The following LRMDA variants were observed in gnomAD, a reference collection of about 807,000 sequenced individuals.
LRMDA encodes leucine-rich melanocyte differentiation-associated protein.
LRMDA carries 18 observed loss-of-function variants against 29.8 expected under a neutral mutation model. The ratio of observed to expected loss-of-function variants is 0.60; its 90% CI spans 0.42 to 0.90. LRMDA has a LOEUF of 0.90. Ranked by LOEUF, LRMDA falls within the 40% of genes least tolerant of loss-of-function variation. The pLI is 0.00. For missense variants in LRMDA, 273 were observed against 273.9 expected (o/e 1.00, Z 0.02); for synonymous variants, 125 against 109.4 (o/e 1.14, Z -0.89).
intron 5 of LRMDA, among the ~76,000 whole-genome samples, chr10:76,310,528 T>C (rs1175100524): frequency 6.6e-6 from 1 of 152,192 alleles, no homozygotes; most frequent in Non-Finnish European, 1.5e-5. Context: ...TCCATTCCCC[T>C]TTTCTCATTT....
chr10:76,003,675 G>A (rs1397068262), intron 2 of LRMDA, among the ~76,000 whole-genome samples: 1 of 152,148 alleles, frequency 6.6e-6, no homozygotes, highest in East Asian at 1.9e-4. Context: ...TGAGTAAATG[G>A]CAGGTAAGTC....
At chr10:76,543,672 G>C (rs1302694204) in intron 6 of LRMDA, among the ~76,000 whole-genome samples, 1 of 152,118 alleles carries the variant, frequency 6.6e-6, no homozygotes, top group East Asian at 1.9e-4. Flanking sequence ...CTGGAAGAAT[G>C]CAAGCTCTTA....
At chr10:75,749,362 G>A (rs1842925908) in intron 2 of LRMDA, among the ~76,000 whole-genome samples, 1 of 151,976 alleles carries the variant, frequency 6.6e-6, no homozygotes, top group Admixed American at 6.5e-5. Flanking sequence ...TTTTGGCTGT[G>A]GAGGGTTGGT....
chr10:75,578,167 A>C (rs1840532211), intron 2 of LRMDA, among the ~76,000 whole-genome samples: 1 of 144,814 alleles, frequency 6.9e-6, no homozygotes, highest in Non-Finnish European at 1.5e-5. Flanking sequence ...AGACACACAG[A>C]GGCTCAAAAT....
At chr10:75,758,024 T>A (rs1328309996) in intron 2 of LRMDA, among the ~76,000 whole-genome samples, 1 of 152,202 alleles carries the variant, frequency 6.6e-6, no homozygotes, top group Non-Finnish European at 1.5e-5. Context: ...GGTCTCAAAC[T>A]CCTGGCCTCA....
intron 2 of LRMDA, among the ~76,000 whole-genome samples, chr10:75,605,057 T>C (rs772977063): frequency 5.1e-4 from 77 of 152,328 alleles, no homozygotes; most frequent in Non-Finnish European, 3.2e-4. Context: ...GAGAAATTCA[T>C]TGGGACAACT....
At chr10:76,540,923 G>A (rs77952591) in intron 6 of LRMDA, among the ~76,000 whole-genome samples, 3,023 of 152,256 alleles carry the variant, frequency 0.02, 52 homozygotes, top group South Asian at 0.099. Flanking sequence ...TGTTTTAAAT[G>A]CTTGACAATA....
intron 2 of LRMDA, among the ~76,000 whole-genome samples, chr10:75,883,903 C>T (rs569032785): frequency 3.6e-4 from 54 of 151,386 alleles, no homozygotes; most frequent in Non-Finnish European, 6.9e-4. Context: ...CATTGCTTGC[C>T]AAATAAAAGA....
chr10:76,431,083 T>C (rs1262480130), intron 6 of LRMDA, among the ~76,000 whole-genome samples: 2 of 152,176 alleles, frequency 1.3e-5, no homozygotes, highest in Admixed American at 1.3e-4. Flanking sequence ...GTTCAAGGCT[T>C]TGGTTTCTGG....
chr10:75,762,880 A>G (rs548827373), intron 2 of LRMDA, among the ~76,000 whole-genome samples: 1 of 152,236 alleles, frequency 6.6e-6, no homozygotes, highest in East Asian at 1.9e-4. Context: ...CTGTTCACCC[A>G]CTTTCTACCA....
chr10:75,560,924 G>A (rs1426754520), intron 2 of LRMDA, among the ~76,000 whole-genome samples: 1 of 151,898 alleles, frequency 6.6e-6, no homozygotes, highest in African/African-American at 2.4e-5. Flanking sequence ...TGTGCTGCTG[G>A]ATTTGGTTTG....
intron 2 of LRMDA, among the ~76,000 whole-genome samples, chr10:75,579,379 T>C (rs1418170203): frequency 1.3e-5 from 2 of 152,188 alleles, no homozygotes; most frequent in African/African-American, 4.8e-5. Flanking sequence ...CAGGAAGAAG[T>C]TGAATCCCTG....
At chr10:76,222,022 G>A (rs1313847607) in intron 5 of LRMDA, among the ~76,000 whole-genome samples, 1 of 152,046 alleles carries the variant, frequency 6.6e-6, no homozygotes, top group Non-Finnish European at 1.5e-5. Flanking sequence ...ATGGAGAAAG[G>A]ATTCCCTATT....
At chr10:75,655,457 C>T (rs1841656877) in intron 2 of LRMDA, among the ~76,000 whole-genome samples, 1 of 152,218 alleles carries the variant, frequency 6.6e-6, no homozygotes, top group African/African-American at 2.4e-5. Context: ...TGCATCTGGT[C>T]ATGTGGAGAC....
intron 2 of LRMDA, among the ~76,000 whole-genome samples, chr10:75,951,058 C>T (rs960265757): frequency 6.6e-6 from 1 of 152,128 alleles, no homozygotes; most frequent in Non-Finnish European, 1.5e-5. Flanking sequence ...CTTGGCTCCA[C>T]GTGTCATTCC....
At chr10:75,464,945 TG>T (rs1471631718) in intron 2 of LRMDA, among the ~76,000 whole-genome samples, 3 of 152,290 alleles carry the variant, frequency 2.0e-5, no homozygotes, top group African/African-American at 7.2e-5. Context: ...AGGATGAAAC[TG>T]GTATTTTGCT....
intron 6 of LRMDA, among the ~76,000 whole-genome samples, chr10:76,386,320 T>C (rs1322654017): frequency 6.6e-6 from 1 of 152,200 alleles, no homozygotes; most frequent in Non-Finnish European, 1.5e-5. Flanking sequence ...AGCTAGAAAT[T>C]CTGTTAAAGA....
intron 2 of LRMDA, among the ~76,000 whole-genome samples, chr10:75,528,893 G>A (rs2115912): frequency 0.49 from 74,300 of 151,804 alleles, 20,691 homozygotes; most frequent in African/African-American, 0.78. Flanking sequence ...TATCATACGA[G>A]CAATATGTAC....
chr10:76,085,570 CCCTA>C (rs1849120357), intron 5 of LRMDA, among the ~76,000 whole-genome samples: 2 of 152,086 alleles, frequency 1.3e-5, no homozygotes, highest in Admixed American at 1.3e-4. Context: ...TTCCCCTGGC[CCCTA>C]CCTCACAGGG....
Sources: allele counts gnomAD v4.1 joint callset (sites outside exome capture counted in the v4.1 genomes callset), GRCh38; gene constraint gnomAD v4.1.1; transcripts MANE v1.5; gene names NCBI Gene and HGNC (gene_info 2026-07-23, HGNC 2026-07-21).